The following CNTNAP2 variants were observed in gnomAD, a reference collection of about 807,000 sequenced individuals.
CNTNAP2 encodes the protein contactin-associated protein-like 2.
Under a neutral mutation model 155.2 loss-of-function variants are expected in CNTNAP2, and 98 were observed. The observed-to-expected ratio is 0.63, with a 90% CI of 0.54 to 0.75. The LOEUF (loss-of-function observed/expected upper bound fraction) is 0.75, where lower values mean the gene tolerates loss of function less well. CNTNAP2 is among the 30% of genes least tolerant of loss of function. The pLI is 0.00. For synonymous variants in CNTNAP2, 651 were observed against 631.2 expected, an observed-to-expected ratio of 1.03 and a Z score of -0.47; for missense variants, 1,727 against 1,688.1, an observed-to-expected ratio of 1.02 and a Z score of -0.40.
At chr7:147,292,520 T>C (rs1278333925) in intron 8 of CNTNAP2, among the ~76,000 whole-genome samples, 4 of 152,138 alleles carry the variant, frequency 2.6e-5, no homozygotes, top group African/African-American at 9.7e-5. Flanking sequence ...AAAAACTATA[T>C]TGTTGGGTTT....
intron 13 of CNTNAP2, among the ~76,000 whole-genome samples, chr7:147,749,712 T>G (rs999351818): frequency 6.6e-6 from 1 of 152,188 alleles, no homozygotes; most frequent in Admixed American, 6.5e-5. Flanking sequence ...ATAGCAAGTA[T>G]ATGTTTTTAA....
intron 1 of CNTNAP2, among the ~76,000 whole-genome samples, chr7:146,203,049 A>G (rs7794609): frequency 0.31 from 46,656 of 152,046 alleles, 8,396 homozygotes; most frequent in African/African-American, 0.5. Context: ...TTTCGTCTCT[A>G]TAAAAGAACA....
intron 1 of CNTNAP2, among the ~76,000 whole-genome samples, chr7:146,597,970 A>AT (rs1358138399): frequency 6.6e-6 from 1 of 152,066 alleles, no homozygotes; most frequent in East Asian, 1.9e-4. Context: ...TTACAAGGTC[A>AT]TAACTGTTTC....
intron 8 of CNTNAP2, among the ~76,000 whole-genome samples, chr7:147,156,175 A>T (rs1481913834): frequency 6.6e-6 from 1 of 152,118 alleles, no homozygotes; most frequent in East Asian, 1.9e-4. Flanking sequence ...AGCAAAATAT[A>T]AGAGAAGTGA....
chr7:148,052,028 G>A (rs1365542225), intron 15 of CNTNAP2, among the ~76,000 whole-genome samples: 9 of 151,796 alleles, frequency 5.9e-5, no homozygotes, highest in African/African-American at 1.7e-4. Context: ...AGTCCCAGCT[G>A]CTCGGGAGGC....
chr7:147,449,103 A>T (rs1797789343), intron 10 of CNTNAP2, among the ~76,000 whole-genome samples: 1 of 152,212 alleles, frequency 6.6e-6, no homozygotes, highest in African/African-American at 2.4e-5. Context: ...GACAGGCAAG[A>T]TAAATCATTT....
chr7:147,669,644 C>T (rs1795754106), intron 13 of CNTNAP2, among the ~76,000 whole-genome samples: 1 of 152,110 alleles, frequency 6.6e-6, no homozygotes, highest in South Asian at 2.1e-4. Context: ...ACTTCCCAGC[C>T]AGCCATCCTG....
chr7:146,901,855 C>A (rs1417737540), intron 3 of CNTNAP2, among the ~76,000 whole-genome samples: 1 of 135,000 alleles, frequency 7.4e-6, no homozygotes, highest in Non-Finnish European at 1.6e-5. Flanking sequence ...TACAGTTTTT[C>A]TTGCATATAT....
chr7:147,595,976 G>GT lies in CNTNAP2; in HGVS notation c.1897+33727dup, dbSNP rs977478691. ...GTTTTGTTTTTGTTTTTGATTTTTTGTTTTTTTTGGCAGTCATCTCTTCCA... is the reference window on the plus strand; with the variant it reads ...GTTTTGTTTTTGTTTTTGATTTTTTGTTTTTTTTTGGCAGTCATCTCTTCCA... On this transcript the variant is annotated intron_variant, in intron 12 of 23. Coordinates refer to ENST00000361727, the MANE Select transcript of CNTNAP2 (RefSeq NM_014141.6). Among the ~76,000 whole-genome samples, 17 of 151,742 alleles carry GT rather than the reference G, an allele frequency of 1.1e-4. No individual in the cohort carries two copies. In the East Asian group the frequency reaches 1.4e-3, roughly 12 times the overall value.
intron 11 of CNTNAP2, among the ~76,000 whole-genome samples, chr7:147,548,706 C>A (rs1294796789): frequency 1.3e-5 from 2 of 152,114 alleles, no homozygotes; most frequent in African/African-American, 4.8e-5. Context: ...AATGGTATTG[C>A]ATAGGTTTTC....
At chr7:148,162,244 C>T (rs1220485253) in intron 17 of CNTNAP2, among the ~76,000 whole-genome samples, 2 of 152,174 alleles carry the variant, frequency 1.3e-5, no homozygotes, top group Non-Finnish European at 2.9e-5. Context: ...ACCAGCAGGA[C>T]ACTTAATATG....
intron 15 of CNTNAP2, among the ~76,000 whole-genome samples, chr7:148,005,864 T>C (rs1372419759): frequency 1.3e-5 from 2 of 152,182 alleles, no homozygotes; most frequent in Non-Finnish European, 2.9e-5. Context: ...TTGATTCAGT[T>C]GCCAATATTC....
intron 3 of CNTNAP2, among the ~76,000 whole-genome samples, chr7:146,875,906 G>GCACACA (rs144916213): frequency 3.2e-5 from 3 of 92,852 alleles, no homozygotes; most frequent in African/African-American, 9.0e-5. Context: ...ATACACACAC[G>GCACACA]CACACACACA....
At chr7:147,045,831 G>A (rs1310240000) in intron 4 of CNTNAP2, among the ~76,000 whole-genome samples, 2 of 151,142 alleles carry the variant, frequency 1.3e-5, no homozygotes, top group African/African-American at 4.9e-5. Flanking sequence ...CATATATATA[G>A]GTATATATAC....
intron 8 of CNTNAP2, among the ~76,000 whole-genome samples, chr7:147,138,017 A>G (rs1303413805): frequency 6.6e-6 from 1 of 151,972 alleles, no homozygotes; most frequent in East Asian, 1.9e-4. Context: ...TAAATAAATA[A>G]ATCATCACTT....
At chr7:147,427,577 TTAGTGGG>T (rs1797399842) in intron 10 of CNTNAP2, among the ~76,000 whole-genome samples, 1 of 152,086 alleles carries the variant, frequency 6.6e-6, no homozygotes. Flanking sequence ...ATTGGGTGTT[TTAGTGGG>T]TAGATAACCA....
At chr7:146,971,178 T>TTG (rs1563026274) in intron 3 of CNTNAP2, among the ~76,000 whole-genome samples, 2 of 151,654 alleles carry the variant, frequency 1.3e-5, no homozygotes, top group East Asian at 3.9e-4. Context: ...TGCACATTGG[T>TTG]CACATGTACC....
At chr7:146,730,222 T>G (rs1801499813) in intron 1 of CNTNAP2, among the ~76,000 whole-genome samples, 6 of 152,086 alleles carry the variant, frequency 3.9e-5, no homozygotes, top group Admixed American at 1.3e-4. Flanking sequence ...ATTTTATAAC[T>G]TGGTGACGAA....
intron 9 of CNTNAP2, among the ~76,000 whole-genome samples, chr7:147,368,013 TCCCC>T (rs139772323): frequency 1.3e-5 from 1 of 79,408 alleles, no homozygotes; most frequent in African/African-American, 6.0e-5. Context: ...TCTCTCTCTC[TCCCC>T]CCCCTCCCCC....
Sources: allele counts gnomAD v4.1 joint callset (sites outside exome capture counted in the v4.1 genomes callset), GRCh38; gene constraint gnomAD v4.1.1; transcripts MANE v1.5; gene names NCBI Gene and HGNC (gene_info 2026-07-23, HGNC 2026-07-21).